Variants in PIGN observed in about 807,000 individuals in gnomAD.
PIGN encodes GPI ethanolamine phosphate transferase 1.
PIGN carries 117 observed loss-of-function variants against 125.4 expected under a neutral mutation model. The observed-to-expected ratio is 0.93, with a 90% CI of 0.80 to 1.09. The LOEUF (loss-of-function observed/expected upper bound fraction) is 1.09, where lower values mean the gene tolerates loss of function less well. PIGN is among the 50% of genes least tolerant of loss of function. PIGN has a pLI of 0.00. For synonymous variants in PIGN, 392 were observed against 377.8 expected, an observed-to-expected ratio of 1.04 and a Z score of -0.44; for missense variants, 1,075 against 1,094.9, an observed-to-expected ratio of 0.98 and a Z score of 0.26.
At chr18:62,092,647 T>C (rs2034014366) in intron 23 of PIGN, among the ~76,000 whole-genome samples, 1 of 152,004 alleles carries the variant, frequency 6.6e-6, no homozygotes, top group Non-Finnish European at 1.5e-5. Context: ...GTACTGTGAT[T>C]AATTCTATGT....
At chr18:62,066,085 G>C (rs1480264425) in intron 30 of PIGN, among the ~76,000 whole-genome samples, 3 of 152,170 alleles carry the variant, frequency 2.0e-5, no homozygotes, top group Non-Finnish European at 2.9e-5. Flanking sequence ...TTTAACCATA[G>C]CTTTTAACTT....
intron 14 of PIGN, among the ~76,000 whole-genome samples, chr18:62,117,899 A>T (rs141983759): frequency 6.6e-6 from 1 of 152,158 alleles, no homozygotes; most frequent in Admixed American, 6.5e-5. Context: ...ACAGGATTTC[A>T]TTCTTTTTTA....
At chr18:62,136,057 T>A (rs1490027051) in intron 14 of PIGN, 1 of 152,196 alleles carries the variant, frequency 6.6e-6, no homozygotes, top group Non-Finnish European at 1.5e-5. Context: ...GCAAAACACA[T>A]ACTAGTCAAT....
chr18:62,081,962 GTTAT>G (rs2033469725), intron 28 of PIGN, among the ~76,000 whole-genome samples: 2 of 152,036 alleles, frequency 1.3e-5, no homozygotes, highest in African/African-American at 4.8e-5. Flanking sequence ...GCTAATATTA[GTTAT>G]TTCTTTCAGC....
At chr18:62,072,386 A>C (rs753304147) in intron 30 of PIGN, 2 of 229,384 alleles carry the variant, frequency 8.7e-6, no homozygotes, top group Non-Finnish European at 1.7e-5. Context: ...ATACCAGTTA[A>C]AAAATCTTTT....
intron 23 of PIGN, among the ~76,000 whole-genome samples, chr18:62,034,335 C>T (rs2144897309): frequency 6.6e-6 from 1 of 152,290 alleles, no homozygotes; most frequent in Admixed American, 6.5e-5. Flanking sequence ...GCCTCAGCCT[C>T]CTGTGTTGGA....
intron 23 of PIGN, among the ~76,000 whole-genome samples, chr18:62,029,356 A>G (rs528320417): frequency 6.6e-6 from 1 of 152,258 alleles, no homozygotes; most frequent in East Asian, 1.9e-4. Flanking sequence ...TTGTAAGGTC[A>G]TTATAACGGT....
At chr18:62,098,489 T>G (rs896031063) in intron 22 of PIGN, among the ~76,000 whole-genome samples, 1 of 152,212 alleles carries the variant, frequency 6.6e-6, no homozygotes, top group African/African-American at 2.4e-5. Context: ...TCTGTAAAAC[T>G]GTACACATTT....
chr18:62,078,815 T>C (rs1023257388), intron 28 of PIGN, among the ~76,000 whole-genome samples: 8 of 152,240 alleles, frequency 5.3e-5, no homozygotes, highest in African/African-American at 1.9e-4. Flanking sequence ...TTTTATCCAA[T>C]TGATAATAAA....
At chr18:62,154,147 A>C (rs576803522) in intron 7 of PIGN, 1 of 205,652 alleles carries the variant, frequency 4.9e-6, no homozygotes, top group African/African-American at 2.3e-5. Context: ...AGTATTTTTT[A>C]AAAAATCATC....
At chr18:62,086,625 T>G (rs1401038589) in intron 25 of PIGN, among the ~76,000 whole-genome samples, 29 of 151,522 alleles carry the variant, frequency 1.9e-4, no homozygotes, top group African/African-American at 3.9e-4. Context: ...TTTGTTTTTT[T>G]TTTTTTTTTA....
intron 30 of PIGN, chr18:62,072,316 C>G (rs984523933): frequency 2.4e-5 from 4 of 166,960 alleles, no homozygotes; most frequent in African/African-American, 9.5e-5. Context: ...AACTCACTGA[C>G]TCACCCAGAA....
At chr18:62,031,247 T>C (rs1448398177) in intron 23 of PIGN, among the ~76,000 whole-genome samples, 3 of 152,330 alleles carry the variant, frequency 2.0e-5, no homozygotes, top group East Asian at 3.9e-4. Flanking sequence ...CTGCTCCTCA[T>C]TCGCCTTCCA....
At chr18:62,112,558 AT>A (rs1201626047) in intron 16 of PIGN, 1 of 152,122 alleles carries the variant, frequency 6.6e-6, no homozygotes, top group Non-Finnish European at 1.5e-5. Flanking sequence ...GATTTTTTTA[AT>A]TTTTATTTTT....
chr18:62,164,914 G>C (rs1467379757), intron 1 of PIGN, among the ~76,000 whole-genome samples: 1 of 152,162 alleles, frequency 6.6e-6, no homozygotes, highest in East Asian at 1.9e-4. Flanking sequence ...GTTAACAGAA[G>C]GAAGTTGATA....
At chr18:62,098,146 A>T (rs898000308) in intron 22 of PIGN, among the ~76,000 whole-genome samples, 1 of 152,264 alleles carries the variant, frequency 6.6e-6, no homozygotes, top group Non-Finnish European at 1.5e-5. Flanking sequence ...TGCCTAGCAC[A>T]TAGTGCTTAG....
intron 15 of PIGN, among the ~76,000 whole-genome samples, chr18:62,114,346 C>T (rs1377108145): frequency 1.4e-5 from 2 of 146,344 alleles, no homozygotes; most frequent in African/African-American, 2.5e-5. Flanking sequence ...TGGGCAACAG[C>T]GACACTCTGT....
At chr18:62,106,368 C>T (rs1235881958) in intron 19 of PIGN, among the ~76,000 whole-genome samples, 1 of 130,476 alleles carries the variant, frequency 7.7e-6, no homozygotes, top group East Asian at 2.5e-4. Context: ...ATAATAAATA[C>T]ATACTTATCC....
chr18:62,112,479 G>C (rs1599549203), intron 16 of PIGN: 1 of 152,100 alleles, frequency 6.6e-6, no homozygotes, highest in African/African-American at 2.4e-5. Flanking sequence ...AAAGAGTAAA[G>C]TGTTTTAATG....
Sources: allele counts gnomAD v4.1 joint callset (sites outside exome capture counted in the v4.1 genomes callset), GRCh38; gene constraint gnomAD v4.1.1; transcripts MANE v1.5; gene names NCBI Gene and HGNC (gene_info 2026-07-23, HGNC 2026-07-21).